The following PHKG1 variants were observed in gnomAD, a reference collection of about 807,000 sequenced individuals.
PHKG1 encodes phosphorylase b kinase gamma catalytic chain, skeletal muscle/heart isoform.
A neutral mutation model predicts 50.5 loss-of-function variants in PHKG1; 48 were observed. That is an observed-to-expected ratio of 0.95 (90% confidence interval 0.75 to 1.21). The LOEUF is 1.21. Ranked by LOEUF, PHKG1 falls within the 50% of genes most tolerant of loss-of-function variation. The probability of loss-of-function intolerance (pLI) is 0.00; values close to 1 mark genes in which losing one functional copy is unlikely to be tolerated. For missense variants in PHKG1, 487 were observed against 519.5 expected (o/e 0.94, Z 0.61); for synonymous variants, 204 against 212.8 (o/e 0.96, Z 0.36).
chr7:56,090,821 G>T (rs1394968929), intron 1 of PHKG1, among the ~76,000 whole-genome samples: 1 of 152,156 alleles, frequency 6.6e-6, no homozygotes, highest in Non-Finnish European at 1.5e-5. Flanking sequence ...GCAGTACAGA[G>T]CCAGGACACT....
At chr7:56,082,311 G>T in intron 6 of PHKG1, 58 bp from the exon 7 acceptor site, 2 of 1,394,016 alleles carry the variant, frequency 1.4e-6, no homozygotes. Context: ...AGGAAGTCCA[G>T]GCTGGCCGCA....
intron 1 of PHKG1, among the ~76,000 whole-genome samples, chr7:56,092,018 C>A (rs1158452114): frequency 4.6e-5 from 7 of 152,252 alleles, no homozygotes; most frequent in Admixed American, 4.6e-4. Context: ...CTCCTCTCCC[C>A]CAGCCCTCCA....
Position 56,081,077 on chromosome 7 carries a change from A to T in PHKG1, c.1141T>A (p.Ser381Thr), listed in dbSNP as rs779509806. The change falls in exon 10 of 10, where the codon TCC becomes ACC. Residue 381 changes from serine to threonine, a missense_variant. By Grantham distance (58) the Ser-to-Thr change is moderately conservative. Transcript: ENST00000297373. This position sits in a 1 kb window ranked among gnomAD's most constrained non-coding sequence, Gnocchi z 4.6. ...FENTPKAVLL[S>T]LAEEDY is the part of the protein sequence containing the mutation. ...CCTCAGTAGTCCTCCTCGGCCAGGG[A>T]GAGGAGCACGGCCTTGGGTGTGTTC... The T allele has an allele frequency of 4.3e-6, 7 of 1,610,122 alleles. No individual in the cohort carries two copies. Among genetic ancestry groups the T allele is most frequent in the Non-Finnish European group, 4.2e-6 (5 of 1,178,692 alleles).
intron 4 of PHKG1, among the ~76,000 whole-genome samples, chr7:56,086,674 G>A (rs929015804): frequency 9.9e-5 from 15 of 151,952 alleles, no homozygotes; most frequent in Admixed American, 7.9e-4. Context: ...CACTGCGCCC[G>A]CCTGTAGCTA....
intron 1 of PHKG1, among the ~76,000 whole-genome samples, chr7:56,089,988 T>A (rs1235964609): frequency 6.6e-6 from 1 of 152,102 alleles, no homozygotes; most frequent in Non-Finnish European, 1.5e-5. Context: ...AATAGGCCAC[T>A]CCTGTAGCCT....
In PHKG1 at chr7:56,082,237, G is replaced by C; in HGVS notation, c.564C>G (p.Pro188=). Reference sequence around the variant, plus strand: ...CGATAATCTCAGGGGCCAGGTAACTGGGGGTCCCGCAGACCTCTGCAGGAA... The same window carrying C: ...CGATAATCTCAGGGGCCAGGTAACTCGGGGTCCCGCAGACCTCTGCAGGAA... ...GERLREVCGT[P]SYLAPEIIEC... The change falls in exon 7 of 10, where the codon CCC becomes CCG. Residue 188 remains proline (P), a synonymous_variant. Coordinates refer to ENST00000297373, the MANE Select transcript of PHKG1 (RefSeq NM_006213.5). 6.2e-7 allele frequency: 1 copy of C among 1,613,322 alleles called. No homozygotes were observed.
chr7:56,092,478 G>A (rs560952148), intron 1 of PHKG1, among the ~76,000 whole-genome samples: 21 of 152,184 alleles, frequency 1.4e-4, no homozygotes, highest in African/African-American at 4.8e-4. Context: ...TCACCATGTT[G>A]GCCAGGCTGG....
At position 56,081,464 on chromosome 7, in the gene PHKG1, G is replaced by A. The variant is rs1251515518; in HGVS notation, c.919-165C>T. Among the ~76,000 whole-genome samples the A allele has an allele frequency of 6.6e-6, 1 of 152,170 alleles. No homozygotes were observed. Among genetic ancestry groups the A allele is most frequent in the Non-Finnish European group, 1.5e-5 (1 of 68,030 alleles). On this transcript the variant is annotated intron_variant, in intron 9 of 9. Transcript: ENST00000297373. The surrounding 1 kb of genome is among the most constrained non-coding windows in gnomAD (Gnocchi z 4.6). ...CACTTGGCCAGCATCCTCAGGGACCGAGCCAGTGGGCTGACACCTGCCGTC... is the reference window on the plus strand; with the variant it reads ...CACTTGGCCAGCATCCTCAGGGACCAAGCCAGTGGGCTGACACCTGCCGTC...
At chr7:56,090,380 TGCTGGGATTACAG>T (rs1319595491) in intron 1 of PHKG1, among the ~76,000 whole-genome samples, 11 of 152,188 alleles carry the variant, frequency 7.2e-5, no homozygotes, top group African/African-American at 2.4e-4. Flanking sequence ...CCTCCCAAAG[TGCTGGGATTACAG>T]GCATGAGCCA....
chr7:56,086,593 A>T (rs1796262015), intron 4 of PHKG1, among the ~76,000 whole-genome samples: 1 of 150,598 alleles, frequency 6.6e-6, no homozygotes, highest in African/African-American at 2.4e-5. Flanking sequence ...GGTTCAAGCG[A>T]TTCTCCTGCC....
At chr7:56,084,335 C>T (rs1796157480) in intron 4 of PHKG1, 1 of 691,930 alleles carries the variant, frequency 1.4e-6, no homozygotes, top group East Asian at 2.8e-5. Flanking sequence ...TGGCCCAGGA[C>T]CCCAGACCCA....
intron 1 of PHKG1, 84 bp from the exon 2 acceptor site, chr7:56,089,059 C>A: frequency 1.5e-6 from 1 of 666,048 alleles, no homozygotes; most frequent in South Asian, 1.7e-5. Context: ...TCTCACTCAT[C>A]CTTACATCTC....
chr7:56,091,853 A>C (rs1181796674), intron 1 of PHKG1, among the ~76,000 whole-genome samples: 3 of 152,242 alleles, frequency 2.0e-5, no homozygotes, highest in Non-Finnish European at 2.9e-5. Flanking sequence ...TGGGCTGCTC[A>C]CACACAGGCC....
rs368856114 is a variant in PHKG1 at position 56,088,850 on chromosome 7, G to A, written c.83+9C>T. The A allele has an allele frequency of 5.6e-6, 9 of 1,605,484 alleles. No individual in the cohort carries two copies. The highest frequency in any genetic ancestry group is 1.3e-5 in the African/African-American group (1 of 74,834). On this transcript the variant is annotated intron_variant, in intron 2 of 9. Transcript: ENST00000297373. ...GGACAGCACTTCGTGGGGAAAGCTT[G>A]GGCTTTACCTGCCCAGGATCTCTTT...
Position 56,082,271 on chromosome 7 carries a change from A to C in PHKG1, c.548-18T>G. ...GCAGACCTCTGCAGGAACAGTCATCATCAGGGCAGGTCAGCAGGGCACTCA... is the reference window on the plus strand; with the variant it reads ...GCAGACCTCTGCAGGAACAGTCATCCTCAGGGCAGGTCAGCAGGGCACTCA... On this transcript the variant is annotated intron_variant, in intron 6 of 9. Coordinates refer to ENST00000297373, the MANE Select transcript of PHKG1 (RefSeq NM_006213.5). The C allele has an allele frequency of 6.2e-7, 1 of 1,602,128 alleles. No individual in the cohort carries two copies. The highest frequency in any genetic ancestry group is 1.1e-5 in the South Asian group (1 of 90,752).
At chr7:56,082,274 A>G (rs1796041057) in intron 6 of PHKG1, 21 bp from the exon 7 acceptor site, 1 of 1,592,780 alleles carries the variant, frequency 6.3e-7, no homozygotes, top group Non-Finnish European at 8.6e-7. Flanking sequence ...AGTCATCATC[A>G]GGGCAGGTCA....
At chr7:56,087,103 C>G (rs566455212) in intron 3 of PHKG1, 79 bp from the exon 4 acceptor site, 4 of 1,072,556 alleles carry the variant, frequency 3.7e-6, no homozygotes, top group African/African-American at 1.6e-5. Context: ...GGTCAGGGAC[C>G]GAGGCTGCTG....
rs1796145405 is a variant in PHKG1 at position 56,084,077 on chromosome 7, G to C, written c.318-362C>G. The C allele has an allele frequency of 1.8e-5, 15 of 837,114 alleles. No individual in the cohort carries two copies. In the South Asian group the frequency reaches 2.3e-4, roughly 13 times the overall value. 51.9% of individuals were successfully genotyped at this position (837,114 alleles called of 1,614,324 possible). A position where few individuals can be genotyped will look rare whatever the true frequency, so the allele number is the denominator to read the frequency against. ...CCCTCCCCAGGTTCCCATTACCCTA[G>C]TTCCAGGCCAGGATGGCTAGAAGTG... On this transcript the variant is annotated intron_variant, in intron 4 of 9. Transcript: ENST00000297373.
intron 4 of PHKG1, chr7:56,084,100 G>T: frequency 9.6e-7 from 1 of 1,037,914 alleles, no homozygotes; most frequent in Non-Finnish European, 1.4e-6. Flanking sequence ...ATGGCTAGAA[G>T]TGACCAGGGA....
Sources: allele counts gnomAD v4.1 joint callset (sites outside exome capture counted in the v4.1 genomes callset), GRCh38; gene constraint gnomAD v4.1.1; non-coding constraint Gnocchi (gnomAD v3.1); transcripts MANE v1.5; gene names NCBI Gene and HGNC (gene_info 2026-07-23, HGNC 2026-07-21).